Variants in PABPN1L observed in about 807,000 individuals in gnomAD.
PABPN1L encodes PABPN1 like, cytoplasmic, also known as embryonic polyadenylate-binding protein 2.
A neutral mutation model predicts 34.0 loss-of-function variants in PABPN1L; 45 were observed. The ratio of observed to expected loss-of-function variants is 1.32; its 90% CI spans 1.04 to 1.70. The LOEUF is 1.70. PABPN1L is among the 40% of genes most tolerant of loss of function. The probability of loss-of-function intolerance (pLI) is 0.00; values close to 1 mark genes in which losing one functional copy is unlikely to be tolerated. For synonymous variants in PABPN1L, 182 were observed against 152.1 expected (o/e 1.20, Z -1.45); for missense variants, 459 against 367.8 (o/e 1.25, Z -2.03).
exon 1 of PABPN1L, chr16:88,866,611 G>C: frequency 6.5e-7 from 1 of 1,530,846 alleles, no homozygotes; most frequent in Non-Finnish European, 8.8e-7. Flanking sequence ...CCACATGGTA[G>C]AGGGGCAGGA....
At chr16:88,863,900 C>T (rs932200189) in intron 6 of PABPN1L, 105 bp from the exon 7 acceptor site, 2 of 1,208,756 alleles carry the variant, frequency 1.7e-6, no homozygotes, top group East Asian at 5.1e-5. Flanking sequence ...GGTCACCTGG[C>T]TGCTCAGGCA....
At chr16:88,865,517 T>A in intron 3 of PABPN1L, 46 bp downstream of exon 3, 1 of 1,586,030 alleles carries the variant, frequency 6.3e-7, no homozygotes, top group Admixed American at 1.8e-5. Context: ...CTGGTAGAGA[T>A]GGGGCCCCAT....
chr16:88,869,232 C>T (rs1035824026), upstream of PABPN1L, among the ~76,000 whole-genome samples: 2 of 152,260 alleles, frequency 1.3e-5, no homozygotes, highest in Non-Finnish European at 2.9e-5. Flanking sequence ...CTGTTCACCA[C>T]CCAGAGGATT....
chr16:88,864,665 C>T (rs1968544487), intron 5 of PABPN1L, among the ~76,000 whole-genome samples, 188 bp downstream of exon 5: 1 of 151,038 alleles, frequency 6.6e-6, no homozygotes, highest in African/African-American at 2.5e-5. Context: ...ACTTCCCCAC[C>T]ATGCCACTGG....
chr16:88,866,400 C>G (rs1380305587), exon 1 of PABPN1L: 2 of 1,551,184 alleles, frequency 1.3e-6, no homozygotes, highest in South Asian at 1.2e-5. Context: ...CCAGCAGAGA[C>G]AGCAGAAAGC....
At chr16:88,868,136 C>T (rs1165686647), upstream of PABPN1L, among the ~76,000 whole-genome samples, 1 of 152,194 alleles carries the variant, frequency 6.6e-6, no homozygotes, top group Non-Finnish European at 1.5e-5. Context: ...GCTGCCACAG[C>T]CTGGGAACCC....
chr16:88,864,299 C>A (rs752989511), exon 6 of PABPN1L: 1 of 1,555,180 alleles, frequency 6.4e-7, no homozygotes, highest in Non-Finnish European at 8.7e-7. Flanking sequence ...GGAAGGGTGC[C>A]CCCCTGGAGC....
At chr16:88,869,558 G>A (rs546152585), upstream of PABPN1L, among the ~76,000 whole-genome samples, 26 of 152,300 alleles carry the variant, frequency 1.7e-4, no homozygotes, top group African/African-American at 6.3e-4. Context: ...GGACAGGTAC[G>A]CTGGGTGGAG....
intron 3 of PABPN1L, 26 bp from the exon 4 acceptor site, chr16:88,865,154 TGAGG>T: frequency 6.4e-7 from 1 of 1,551,646 alleles, no homozygotes; most frequent in Non-Finnish European, 8.7e-7. Flanking sequence ...GACCAGCATG[TGAGG>T]GAGACGCCTG....
intron 3 of PABPN1L, among the ~76,000 whole-genome samples, 195 bp downstream of exon 3, chr16:88,865,368 G>C (rs1048728013): frequency 1.3e-5 from 2 of 151,724 alleles, no homozygotes; most frequent in Non-Finnish European, 2.9e-5. Context: ...GATTTCATGT[G>C]CAACCCCGAA....
At chr16:88,869,482 A>G (rs1968659145), upstream of PABPN1L, among the ~76,000 whole-genome samples, 2 of 152,150 alleles carry the variant, frequency 1.3e-5, no homozygotes. Flanking sequence ...TCCAGTGTTG[A>G]TGACTTGGCC....
exon 7 of PABPN1L, chr16:88,863,397 T>A (rs547680129): frequency 1.7e-4 from 70 of 407,630 alleles, no homozygotes; most frequent in African/African-American, 1.1e-3. Context: ...ACGTTTCTAT[T>A]TTTCTTAAAA....
At chr16:88,865,668 T>G in intron 2 of PABPN1L, 38 bp from the exon 3 acceptor site, 2 of 1,578,708 alleles carry the variant, frequency 1.3e-6, no homozygotes, top group Non-Finnish European at 1.7e-6. Flanking sequence ...GGCCCTTGGT[T>G]CCTTCCTCAC....
chr16:88,865,257 A>C (rs2143020098), intron 3 of PABPN1L, 129 bp from the exon 4 acceptor site: 1 of 957,468 alleles, frequency 1.0e-6, no homozygotes. Context: ...CCTCCACCCC[A>C]CACCCCCGCT....
Position 88,864,475 on chromosome 16 carries a change from G to T in PABPN1L, c.655-96C>A, listed in dbSNP as rs1220032517. 2.1e-6 allele frequency: 3 copies of T among 1,448,042 alleles called. No homozygotes were observed. The Admixed American group carries it at 7.8e-5, about 38-fold the overall frequency. The allele number at this position is 1,448,042 out of a possible 1,614,324, so 89.7% of individuals were successfully genotyped here. A position where few individuals can be genotyped will look rare whatever the true frequency, so the allele number is the denominator to read the frequency against. On this transcript the variant is annotated intron_variant, in intron 5 of 6. Coordinates refer to ENST00000419291, the Ensembl canonical transcript of PABPN1L. ...CCACCACCCCGGAGCATGGGGTCCT[G>T]CCCGGCTCAGGATACCATTCGGGCC...
At chr16:88,865,342 G>A (rs1398029219) in intron 3 of PABPN1L, among the ~76,000 whole-genome samples, 1 of 151,544 alleles carries the variant, frequency 6.6e-6, no homozygotes, top group Admixed American at 6.6e-5. Context: ...CTTTTAAAAA[G>A]CTTCTCAAAA....
upstream of PABPN1L, among the ~76,000 whole-genome samples, chr16:88,868,788 G>A (rs1175146749): frequency 6.6e-6 from 1 of 152,196 alleles, no homozygotes; most frequent in Admixed American, 6.5e-5. Context: ...GGAAGGTGGG[G>A]GTAGAGAAGA....
chr16:88,865,151 A>G (rs1968559915), intron 3 of PABPN1L, 23 bp from the exon 4 acceptor site: 2 of 1,554,532 alleles, frequency 1.3e-6, no homozygotes, highest in Non-Finnish European at 1.7e-6. Flanking sequence ...CCAGACCAGC[A>G]TGTGAGGGAG....
At chr16:88,868,555 G>A (rs893360360), upstream of PABPN1L, among the ~76,000 whole-genome samples, 3 of 152,056 alleles carry the variant, frequency 2.0e-5, no homozygotes, top group Non-Finnish European at 2.9e-5. Flanking sequence ...GCAGTGAGCC[G>A]AGATCGCGCC....
Sources: allele counts gnomAD v4.1 joint callset (sites outside exome capture counted in the v4.1 genomes callset), GRCh38; gene constraint gnomAD v4.1.1; transcripts MANE v1.5; gene names NCBI Gene and HGNC (gene_info 2026-07-23, HGNC 2026-07-21).